Variants in LAMA1 observed in about 807,000 individuals in gnomAD.
LAMA1 encodes laminin subunit alpha-1.
A neutral mutation model predicts 348.7 loss-of-function variants in LAMA1; 219 were observed. That is an observed-to-expected ratio of 0.63 (90% CI 0.56 to 0.70). The LOEUF (loss-of-function observed/expected upper bound fraction) is 0.70. LAMA1 is among the 30% of genes least tolerant of loss of function. The pLI is 0.00. For synonymous variants in LAMA1, 1,487 were observed against 1,491.0 expected (o/e 1.00, Z 0.06); for missense variants, 3,744 against 3,888.0 (o/e 0.96, Z 0.99).
intron 55 of LAMA1, among the ~76,000 whole-genome samples, chr18:6,957,974 G>C (rs370768742): frequency 6.6e-5 from 10 of 152,052 alleles, no homozygotes; most frequent in Admixed American, 6.6e-5. Context: ...TAGAGACGGG[G>C]TTTCACTATG....
intron 1 of LAMA1, among the ~76,000 whole-genome samples, chr18:7,097,358 T>C (rs1382734020): frequency 6.6e-6 from 1 of 152,012 alleles, no homozygotes; most frequent in African/African-American, 2.4e-5. Flanking sequence ...TATAAAAATT[T>C]TGGGGGAGAA....
At chr18:6,952,971 G>C (rs1351189322) in intron 57 of LAMA1, among the ~76,000 whole-genome samples, 1 of 144,512 alleles carries the variant, frequency 6.9e-6, no homozygotes, top group Admixed American at 6.8e-5. Context: ...ATGTCTGCCT[G>C]TGTCCGGCGG....
chr18:7,007,395 G>A lies in LAMA1; in HGVS notation c.4123-119C>T, dbSNP rs28566859. 3.6e-3 allele frequency: 3,342 copies of A among 922,360 alleles called. 66 individuals carry two copies. In the African/African-American group the frequency reaches 0.05, roughly 14 times the overall value. 57.1% of individuals were successfully genotyped at this position (922,360 alleles called of 1,614,324 possible). On this transcript the variant is annotated intron_variant, in intron 28 of 62. Transcript: ENST00000389658. The stretch of plus-strand genomic sequence containing the variant: ...CCAACAGGTATGTGAAAAGAAGTTC[G>A]ACATCTCTATCAGAGAAATGCAAAT...
intron 3 of LAMA1, among the ~76,000 whole-genome samples, chr18:7,057,798 C>CTTT (rs544422864): frequency 7.5e-6 from 1 of 133,148 alleles, no homozygotes; most frequent in Non-Finnish European, 1.6e-5. Context: ...TTCTTTCTTT[C>CTTT]TTTTTTTTTT....
In LAMA1 at chr18:7,009,277, G is replaced by A. The variant is rs2057847872; in HGVS notation, c.3963C>T (p.Leu1321=). Residue 1321 remains leucine (L), a synonymous_variant, in exon 27 of 63, where the codon CTC becomes CTT. Coordinates refer to ENST00000389658, the MANE Select transcript of LAMA1 (RefSeq NM_005559.4). Reference sequence around the variant, plus strand: ...ATCCTTGACCATACGATGCCTTGATGAGGATGTACTCAATATCGCTGAGGA... The same window carrying A: ...ATCCTTGACCATACGATGCCTTGATAAGGATGTACTCAATATCGCTGAGGA... The part of the protein sequence containing the change: ...MSVLSDIEYI[L]IKASYGQGLQ... 6.2e-7 allele frequency: 1 copy of A among 1,613,928 alleles called. No individual in the cohort carries two copies. The highest frequency in any genetic ancestry group is 1.7e-5 in the Admixed American group (1 of 59,998).
intron 3 of LAMA1, among the ~76,000 whole-genome samples, chr18:7,065,157 C>T (rs1224711776): frequency 1.4e-5 from 2 of 146,546 alleles, no homozygotes; most frequent in African/African-American, 2.5e-5. Flanking sequence ...CACTTGAACT[C>T]GAGAGGCGGA....
At chr18:7,105,371 G>A (rs1334607371) in intron 1 of LAMA1, among the ~76,000 whole-genome samples, 2 of 151,990 alleles carry the variant, frequency 1.3e-5, no homozygotes, top group African/African-American at 4.8e-5. Context: ...CCCGGGAGGC[G>A]GAGGTTGCAG....
intron 16 of LAMA1, among the ~76,000 whole-genome samples, chr18:7,031,680 C>CAAATAAAAAAATAAATAAATAAAT (rs1555656298): frequency 3.6e-4 from 53 of 146,700 alleles, no homozygotes; most frequent in African/African-American, 1.3e-3. Flanking sequence ...GACCCTGTCT[C>CAAATAAAAAAATAAATAAATAAAT]AAATAAATAA....
intron 8 of LAMA1, chr18:7,042,526 A>C: frequency 2.6e-6 from 1 of 389,144 alleles, no homozygotes; most frequent in East Asian, 6.0e-5. Context: ...TGTCTCTCAG[A>C]GCCACGTTAT....
At chr18:6,979,512 T>C (rs1057439254) in intron 42 of LAMA1, among the ~76,000 whole-genome samples, 21 of 152,066 alleles carry the variant, frequency 1.4e-4, no homozygotes, top group African/African-American at 4.8e-4. Context: ...TATAAAACAA[T>C]TGAAATTTTC....
chr18:7,042,973 A>G (rs1449034547), intron 8 of LAMA1: 2 of 499,948 alleles, frequency 4.0e-6, no homozygotes, highest in Non-Finnish European at 7.1e-6. Context: ...TCACATCTGT[A>G]GTTAGTATTA....
At position 6,971,908 on chromosome 18, in the gene LAMA1, C is replaced by G; in HGVS notation, c.6848G>C (p.Gly2283Ala). 3.1e-6 allele frequency: 5 copies of G among 1,614,100 alleles called. No homozygotes were observed. Among genetic ancestry groups the G allele is most frequent in the Non-Finnish European group, 3.4e-6 (4 of 1,180,016 alleles). ...GEAFLNGKSI[G>A]LWNYIEREGK... ...TTCCCTTTCAATATAGTTCCATAGG[C>G]CTATGGATTTTCCATTCAGGAAGGC... Residue 2283 changes from glycine to alanine, a missense_variant, in exon 48 of 63, where the codon GGC becomes GCC. Physicochemically the swap from Gly to Ala is moderately conservative, Grantham distance 60. This residue lies in a region of LAMA1 where 1,983 missense variants were observed against 1,934.3 expected (regional missense o/e 1.03). Transcript: ENST00000389658.
intron 3 of LAMA1, among the ~76,000 whole-genome samples, chr18:7,075,604 C>A (rs1234966957): frequency 6.7e-6 from 1 of 149,676 alleles, no homozygotes; most frequent in Admixed American, 6.7e-5. Context: ...GTCTGGGAAA[C>A]AAGAGCGAAA....
In LAMA1 at chr18:6,962,072, G is replaced by A; in HGVS notation, c.7338-13C>T. 6.3e-7 allele frequency: 1 copy of A among 1,583,690 alleles called. No homozygotes were observed. The highest frequency in any genetic ancestry group is 8.7e-7 in the Non-Finnish European group (1 of 1,152,286). On this transcript the variant is annotated splice_polypyrimidine_tract_variant and intron_variant, in intron 51 of 62. Transcript: ENST00000389658. ...GGTGACACCTCTCCTGTAGGGAAGG[G>A]CATGAGAACAATCACAAAATTTGGG...
chr18:7,068,305 T>C (rs1437429448), intron 3 of LAMA1, among the ~76,000 whole-genome samples: 2 of 152,194 alleles, frequency 1.3e-5, no homozygotes, highest in Non-Finnish European at 2.9e-5. Context: ...AAAGATGCAA[T>C]GAAAGCGAGC....
chr18:6,965,067 G>A (rs1483877549), intron 50 of LAMA1, among the ~76,000 whole-genome samples: 4 of 152,120 alleles, frequency 2.6e-5, no homozygotes, highest in Non-Finnish European at 5.9e-5. Context: ...AGCATTTACT[G>A]TTAAATAACA....
At chr18:7,047,899 T>C (rs1474957685) in intron 5 of LAMA1, among the ~76,000 whole-genome samples, 3 of 152,164 alleles carry the variant, frequency 2.0e-5, no homozygotes, top group African/African-American at 2.4e-5. Context: ...AAATGAATTA[T>C]AGATGTAAAA....
chr18:7,007,947 T>TTATTTATC (rs1555651821), intron 28 of LAMA1, among the ~76,000 whole-genome samples: 7,356 of 151,660 alleles, frequency 0.049, 372 homozygotes, highest in African/African-American at 0.13. Flanking sequence ...ATTTATTTAT[T>TTATTTATC]TTTGAGACGG....
chr18:6,983,924 C>G (rs545755416), intron 39 of LAMA1, among the ~76,000 whole-genome samples: 1 of 152,168 alleles, frequency 6.6e-6, no homozygotes, highest in South Asian at 2.1e-4. Flanking sequence ...ATTCCCAGAC[C>G]GAATATTAGC....
Sources: allele counts gnomAD v4.1 joint callset (sites outside exome capture counted in the v4.1 genomes callset), GRCh38; gene constraint gnomAD v4.1.1; regional missense constraint gnomAD v4.1.1; transcripts MANE v1.5; gene names NCBI Gene and HGNC (gene_info 2026-07-23, HGNC 2026-07-21).